DLGAP1: variants seen among roughly 807,000 people sequenced by gnomAD.
DLGAP1 encodes the protein disks large-associated protein 1.
A neutral mutation model predicts 90.8 loss-of-function variants in DLGAP1; 11 were observed. The ratio of observed to expected loss-of-function variants is 0.12; its 90% CI spans 0.08 to 0.20. The LOEUF (loss-of-function observed/expected upper bound fraction) is 0.20. DLGAP1 is among the 10% of genes least tolerant of loss of function. DLGAP1 has a pLI of 1.00. For synonymous variants in DLGAP1, 558 were observed against 540.7 expected (o/e 1.03, Z -0.44); for missense variants, 1,050 against 1,333.8 (o/e 0.79, Z 3.31).
Position 3,879,858 on chromosome 18 carries a change from G to C in DLGAP1, c.211C>G (p.Pro71Ala), listed in dbSNP as rs2071104531. ...FSDPLASSTFPRRHYTSQQEL... is the reference protein window; with the variant it reads ...FSDPLASSTFARRHYTSQQEL... Reference sequence around the variant, plus strand: ...TGCTGCGAGGTGTAGTGCCTGCGGGGGAAGGTGCTGCTGGCCAGCGGGTCG... The same window carrying C: ...TGCTGCGAGGTGTAGTGCCTGCGGGCGAAGGTGCTGCTGGCCAGCGGGTCG... The change falls in exon 4 of 13, where the codon CCC becomes GCC. Residue 71 changes from proline (P) to alanine (A), a missense_variant. Transcript: ENST00000315677. The surrounding 1 kb of genome is among the most constrained non-coding windows in gnomAD (Gnocchi z 6.6). 6.2e-7 allele frequency: 1 copy of C among 1,610,324 alleles called. No individual in the cohort carries two copies.
At chr18:3,969,391 C>T (rs1391059301) in intron 3 of DLGAP1, among the ~76,000 whole-genome samples, 4 of 152,120 alleles carry the variant, frequency 2.6e-5, no homozygotes, top group Non-Finnish European at 5.9e-5. Flanking sequence ...TTTTGCAAAA[C>T]GTTCTGTCAC....
At chr18:3,897,778 ATTTTTTTTTTTTTT>A (rs869170460) in intron 3 of DLGAP1, among the ~76,000 whole-genome samples, 2 of 94,478 alleles carry the variant, frequency 2.1e-5, no homozygotes, top group Non-Finnish European at 4.0e-5. Flanking sequence ...CGAATTTCTG[ATTTTTTTTTTTTTT>A]TTTTTTTTTT....
chr18:3,678,504 TG>T (rs2146855976), intron 7 of DLGAP1, among the ~76,000 whole-genome samples: 1 of 152,318 alleles, frequency 6.6e-6, no homozygotes, highest in African/African-American at 2.4e-5. Context: ...TCGTTGTTTT[TG>T]TGTCTTATCT....
intron 10 of DLGAP1, among the ~76,000 whole-genome samples, chr18:3,519,130 C>T (rs1361219407): frequency 1.3e-5 from 2 of 152,150 alleles, no homozygotes; most frequent in African/African-American, 2.4e-5. Context: ...GAGACAGGAC[C>T]TTAAAGCACA....
In DLGAP1 at chr18:4,295,675, C is replaced by T. The variant is rs553414113; in HGVS notation, c.-266-144388G>A. Among the ~76,000 whole-genome samples, 23 of 152,338 alleles carry T rather than the reference C, an allele frequency of 1.5e-4. No individual in the cohort carries two copies. In the East Asian group the frequency reaches 4.4e-3, roughly 29 times the overall value. ...CCTAGCTATGCAACCTGAGACAAAT[C>T]ACATATACTCTCTGATCTTCTATTT... On this transcript the variant is annotated intron_variant, in intron 1 of 12. Transcript: ENST00000315677.
intron 3 of DLGAP1, among the ~76,000 whole-genome samples, chr18:3,913,937 G>A (rs914808958): frequency 1.2e-4 from 18 of 152,298 alleles, no homozygotes; most frequent in Admixed American, 1.0e-3. Flanking sequence ...ATTTGAACTG[G>A]AAACTGATTA....
chr18:4,287,845 TATA>T lies in DLGAP1; in HGVS notation c.-266-136561_-266-136559del, dbSNP rs560018535. 1.8e-3 allele frequency among the ~76,000 whole-genome samples: 272 copies of T among 151,410 alleles called. 1 individual carries two copies. The highest frequency in any genetic ancestry group is 3.0e-3 in the Non-Finnish European group (201 of 67,870). On this transcript the variant is annotated intron_variant, in intron 1 of 12. Transcript: ENST00000315677. The stretch of plus-strand genomic sequence containing the variant: ...TGCACATGTATCCCAGAACTTAAAG[TATA>T]ATAATAAGAAAAATTTTAAAAAATA...
intron 3 of DLGAP1, chr18:3,978,447 G>T: frequency 3.5e-6 from 1 of 289,852 alleles, no homozygotes; most frequent in South Asian, 3.9e-5. Flanking sequence ...ACAGTGCTGT[G>T]GAATTAGCCA....
intron 3 of DLGAP1, chr18:3,995,398 G>A (rs994922923): frequency 1.3e-5 from 2 of 152,112 alleles, no homozygotes; most frequent in Non-Finnish European, 2.9e-5. Context: ...TTTATGAATT[G>A]TTACTCTCTG....
rs59612709 is a variant in DLGAP1, at chr18:3,562,539, C to CTTT, written c.2057+4948_2057+4950dup. ...TCCCTGCAGAAGCCCTCTTCTCTCCCTTTTTTTTTTTTTTTTTTTTTTTTA... is the reference window on the plus strand; with the variant it reads ...TCCCTGCAGAAGCCCTCTTCTCTCCCTTTTTTTTTTTTTTTTTTTTTTTTTTTA... On this transcript the variant is annotated intron_variant, in intron 9 of 12. Coordinates refer to ENST00000315677, the MANE Select transcript of DLGAP1 (RefSeq NM_004746.4). Among the ~76,000 whole-genome samples the CTTT allele has an allele frequency of 8.1e-4, 96 of 118,136 alleles. 1 individual carries two copies. Among genetic ancestry groups the CTTT allele is most frequent in the African/African-American group, 3.0e-3 (86 of 28,476 alleles). 77.5% of individuals were successfully genotyped at this position (118,136 alleles called of 152,430 possible).
chr18:3,598,228 G>A (rs1364546509), intron 7 of DLGAP1: 1 of 152,210 alleles, frequency 6.6e-6, no homozygotes, highest in Non-Finnish European at 1.5e-5. Flanking sequence ...GCGCATGCCT[G>A]TAGTCCCAGC....
intron 6 of DLGAP1, among the ~76,000 whole-genome samples, chr18:3,741,187 A>T (rs1162482729): frequency 2.9e-5 from 1 of 33,912 alleles, no homozygotes; most frequent in Non-Finnish European, 6.4e-5. Flanking sequence ...CACCACCACC[A>T]CCACCACCAC....
At chr18:3,548,815 T>C (rs967175253) in intron 9 of DLGAP1, among the ~76,000 whole-genome samples, 2 of 152,162 alleles carry the variant, frequency 1.3e-5, no homozygotes, top group African/African-American at 2.4e-5. Flanking sequence ...GACAGGTGGA[T>C]TGCTTGAGCC....
At chr18:4,159,789 G>A (rs528916611) in intron 1 of DLGAP1, among the ~76,000 whole-genome samples, 1 of 152,270 alleles carries the variant, frequency 6.6e-6, no homozygotes, top group African/African-American at 2.4e-5. Flanking sequence ...AAAAAGAAAA[G>A]CACTTTAAAA....
intron 5 of DLGAP1, among the ~76,000 whole-genome samples, chr18:3,797,167 A>G (rs907571143): frequency 1.3e-5 from 2 of 152,114 alleles, no homozygotes; most frequent in African/African-American, 4.8e-5. Context: ...CCTTGACTCT[A>G]CTAAAATACA....
chr18:3,897,171 G>A (rs973799718), intron 3 of DLGAP1: 10 of 152,274 alleles, frequency 6.6e-5, no homozygotes, highest in Middle Eastern at 3.4e-3. Context: ...AGGAGTGACC[G>A]TTATGATAGG....
rs542858020 is a variant in DLGAP1 at position 3,534,510 on chromosome 18, C to A, written c.2163G>T (p.Ser721=). 1.2e-6 allele frequency: 2 copies of A among 1,613,996 alleles called. No individual in the cohort carries two copies. Among genetic ancestry groups the A allele is most frequent in the Admixed American group, 3.3e-5 (2 of 59,994 alleles). The change falls in exon 10 of 13, where the codon TCG becomes TCT. Residue 721 remains serine, a synonymous_variant. Transcript: ENST00000315677. ...ENSLESIEDN[S]CPGPMARQFS... is the part of the protein sequence containing the mutation. Reference sequence around the variant, plus strand: ...ACTGTCTGGCCATGGGGCCAGGACACGAATTGTCCTCTATAGATTCCAGAG... The same window carrying A: ...ACTGTCTGGCCATGGGGCCAGGACAAGAATTGTCCTCTATAGATTCCAGAG...
intron 1 of DLGAP1, among the ~76,000 whole-genome samples, chr18:4,399,730 A>G (rs982491088): frequency 6.6e-5 from 10 of 152,236 alleles, no homozygotes; most frequent in Non-Finnish European, 1.5e-4. Flanking sequence ...AGAGGCAGGT[A>G]GAGAAGCAAG....
At chr18:3,606,032 G>A (rs960920512) in intron 7 of DLGAP1, among the ~76,000 whole-genome samples, 3 of 152,152 alleles carry the variant, frequency 2.0e-5, no homozygotes, top group African/African-American at 4.8e-5. Flanking sequence ...AAAAGGTCTC[G>A]CTGTGGTTTG....
Sources: gnomAD v4.1 joint callset for allele counts (sites outside exome capture counted in the v4.1 genomes callset) on GRCh38, gnomAD v4.1.1 for gene constraint, Gnocchi (gnomAD v3.1) non-coding constraint, MANE v1.5 for transcripts, NCBI Gene and HGNC (gene_info 2026-07-23, HGNC 2026-07-21) for gene names.